MINDY2: variants seen among roughly 807,000 people sequenced by gnomAD.
MINDY2 encodes MINDY lysine 48 deubiquitinase 2.
Under a neutral mutation model 68.2 loss-of-function variants are expected in MINDY2, and 52 were observed. The ratio of observed to expected loss-of-function variants is 0.76; its 90% confidence interval spans 0.61 to 0.96. The LOEUF (loss-of-function observed/expected upper bound fraction) is 0.96. Ranked by LOEUF, MINDY2 falls within the 40% of genes least tolerant of loss-of-function variation. MINDY2 has a pLI of 0.00. For missense variants in MINDY2, 881 were observed against 773.4 expected (o/e 1.14, Z -1.65); for synonymous variants, 372 against 303.0 (o/e 1.23, Z -2.36).
Position 58,857,370 on chromosome 15 carries a change from C to T in MINDY2, c.*2760C>T, listed in dbSNP as rs1421123846. The T allele has an allele frequency of 1.3e-5, 2 of 152,068 alleles. No homozygotes were observed. Among genetic ancestry groups the T allele is most frequent in the Non-Finnish European group, 2.9e-5 (2 of 68,080 alleles). The allele number at this position is 152,068 out of a possible 1,614,324, so 9.4% of individuals were successfully genotyped here. On this transcript the variant is annotated 3_prime_UTR_variant, in exon 9 of 9. Coordinates refer to ENST00000559228, the MANE Select transcript of MINDY2 (RefSeq NM_001040450.3). ...CCAACATGGCAAAACCCTGTCTCTACTAAAAATACAATAATTAGCCAGGCA... is the reference window on the plus strand; with the variant it reads ...CCAACATGGCAAAACCCTGTCTCTATTAAAAATACAATAATTAGCCAGGCA...
At chr15:58,836,460 T>C (rs2031998222) in intron 6 of MINDY2, among the ~76,000 whole-genome samples, 2 of 152,174 alleles carry the variant, frequency 1.3e-5, no homozygotes, top group South Asian at 4.1e-4. Flanking sequence ...AAATCTTGTG[T>C]TCTTCAGGGA....
intron 2 of MINDY2, among the ~76,000 whole-genome samples, chr15:58,791,620 A>ATGTGTGTGTGTGTG (rs1491325995): frequency 5.0e-5 from 4 of 80,788 alleles, no homozygotes; most frequent in South Asian, 3.4e-4. Context: ...CTGTCTCAAA[A>ATGTGTGTGTGTGTG]TATGTGTGTG....
intron 1 of MINDY2, among the ~76,000 whole-genome samples, chr15:58,772,913 A>G (rs1281155608): frequency 1.3e-5 from 2 of 152,220 alleles, no homozygotes; most frequent in Non-Finnish European, 2.9e-5. Flanking sequence ...TAAGGGAGCT[A>G]AAACTCTAAA....
intron 2 of MINDY2, among the ~76,000 whole-genome samples, chr15:58,797,862 G>A (rs935163970): frequency 6.6e-5 from 10 of 152,138 alleles, no homozygotes; most frequent in African/African-American, 2.2e-4. Context: ...AGCCATAAGT[G>A]CAGAAGTACT....
chr15:58,818,143 G>A (rs142878356), intron 4 of MINDY2, among the ~76,000 whole-genome samples: 23 of 152,236 alleles, frequency 1.5e-4, no homozygotes, highest in Non-Finnish European at 4.4e-5. Context: ...TTTTACTCTA[G>A]AATATAAGCT....
At chr15:58,778,423 G>T (rs1442490451) in intron 1 of MINDY2, among the ~76,000 whole-genome samples, 1 of 151,254 alleles carries the variant, frequency 6.6e-6, no homozygotes, top group Non-Finnish European at 1.5e-5. Flanking sequence ...CCTGAAGCAG[G>T]ATTTTTTTTA....
At chr15:58,840,095 A>T (rs1053746454) in intron 6 of MINDY2, among the ~76,000 whole-genome samples, 1 of 152,114 alleles carries the variant, frequency 6.6e-6, no homozygotes, top group Non-Finnish European at 1.5e-5. Flanking sequence ...CTGCCTCCCA[A>T]AGTGCTAGGA....
At chr15:58,786,338 C>T (rs191992603) in intron 1 of MINDY2, among the ~76,000 whole-genome samples, 242 of 152,282 alleles carry the variant, frequency 1.6e-3, no homozygotes, top group African/African-American at 5.3e-3. Context: ...ATTCTTCTAT[C>T]ACTGATATAG....
In MINDY2 at chr15:58,817,216, G is replaced by C. The variant is rs542982933; in HGVS notation, c.1123-4501G>C. Reference sequence around the variant, plus strand: ...AAGATGAATTGCAACTTTAAAAAATGAATAAAGGATTAATATTCAGAAAGT... The same window carrying C: ...AAGATGAATTGCAACTTTAAAAAATCAATAAAGGATTAATATTCAGAAAGT... On this transcript the variant is annotated intron_variant, in intron 4 of 8. Transcript: ENST00000559228. Among the ~76,000 whole-genome samples, 10 of 152,214 alleles carry C rather than the reference G, an allele frequency of 6.6e-5. No homozygotes were observed. The South Asian group carries it at 2.1e-3, about 32-fold the overall frequency.
intron 2 of MINDY2, among the ~76,000 whole-genome samples, chr15:58,788,954 G>C (rs1373275576): frequency 6.6e-6 from 1 of 152,190 alleles, no homozygotes; most frequent in Non-Finnish European, 1.5e-5. Flanking sequence ...GGAGGTTACA[G>C]TGAGCCAAGA....
chr15:58,782,000 C>G (rs1278844268), intron 1 of MINDY2, among the ~76,000 whole-genome samples: 2 of 151,838 alleles, frequency 1.3e-5, no homozygotes, highest in African/African-American at 4.8e-5. Context: ...TATAGTATTA[C>G]TAGTAGTAAA....
chr15:58,850,462 C>G (rs2032757951), intron 7 of MINDY2, among the ~76,000 whole-genome samples: 1 of 152,100 alleles, frequency 6.6e-6, no homozygotes, highest in African/African-American at 2.4e-5. Context: ...CAGTAGTTAT[C>G]TCTATGTAAT....
intron 5 of MINDY2, among the ~76,000 whole-genome samples, chr15:58,824,000 C>G (rs2141004137): frequency 6.6e-6 from 1 of 152,264 alleles, no homozygotes; most frequent in Middle Eastern, 3.4e-3. Context: ...CCAGAGTATG[C>G]TATTCAGTAG....
intron 3 of MINDY2, among the ~76,000 whole-genome samples, chr15:58,803,421 T>C (rs1302252429): frequency 6.7e-6 from 1 of 150,222 alleles, no homozygotes; most frequent in Admixed American, 6.7e-5. Flanking sequence ...TGAGCTGGAA[T>C]CGCGCCACTA....
chr15:58,808,612 T>G (rs1228300353), intron 3 of MINDY2, among the ~76,000 whole-genome samples: 2 of 152,160 alleles, frequency 1.3e-5, no homozygotes, highest in Admixed American at 1.3e-4. Context: ...TGTTTTTGTT[T>G]TTGTTTTTTT....
chr15:58,786,331 C>T (rs1016436082), intron 1 of MINDY2, among the ~76,000 whole-genome samples: 2 of 152,168 alleles, frequency 1.3e-5, no homozygotes, highest in Non-Finnish European at 2.9e-5. Context: ...TGTTACTATT[C>T]TTCTATCACT....
chr15:58,801,626 C>G (rs1567049887), intron 2 of MINDY2, among the ~76,000 whole-genome samples: 1 of 151,922 alleles, frequency 6.6e-6, no homozygotes, highest in African/African-American at 2.4e-5. Context: ...AAAATACCAT[C>G]TTTTTAAATG....
intron 5 of MINDY2, among the ~76,000 whole-genome samples, chr15:58,824,774 A>G (rs921187898): frequency 7.1e-6 from 1 of 141,388 alleles, no homozygotes; most frequent in Admixed American, 7.3e-5. Context: ...GATTCAAGCA[A>G]TTCTCCTGCC....
Position 58,771,758 on chromosome 15 carries a change from T to C in MINDY2, c.363T>C (p.His121=). Residue 121 remains histidine, a synonymous_variant, in exon 1 of 9, where the codon CAT becomes CAC. Transcript: ENST00000559228. ...SPETAVAGVG[H]ELGTAGDAGA... is the part of the protein sequence containing the mutation. ...AGACAGCCGTGGCCGGAGTGGGTCA[T>C]GAGTTGGGTACCGCCGGAGACGCGG... is the stretch of plus-strand genomic sequence containing the variant. The C allele has an allele frequency of 6.2e-7, 1 of 1,611,320 alleles. No homozygotes were observed.
Sources: allele counts gnomAD v4.1 joint callset (sites outside exome capture counted in the v4.1 genomes callset), GRCh38; gene constraint gnomAD v4.1.1; transcripts MANE v1.5; gene names NCBI Gene and HGNC (gene_info 2026-07-23, HGNC 2026-07-21).